Variants in ANKS1B observed in about 807,000 individuals in gnomAD.
ANKS1B encodes the protein ankyrin repeat and sterile alpha motif domain containing 1B.
In ANKS1B, 36 loss-of-function variants were observed where a neutral mutation model predicts 148.3. The ratio of observed to expected loss-of-function variants is 0.24; its 90% confidence interval spans 0.19 to 0.32. ANKS1B has a LOEUF of 0.32. Ranked by LOEUF, ANKS1B falls within the 10% of genes least tolerant of loss-of-function variation. ANKS1B has a pLI of 1.00. For missense variants in ANKS1B, 1,157 were observed against 1,542.6 expected (o/e 0.75, Z 4.19); for synonymous variants, 542 against 560.8 (o/e 0.97, Z 0.47).
intron 4 of ANKS1B, among the ~76,000 whole-genome samples, chr12:99,797,112 G>A (rs1013090679): frequency 1.3e-5 from 2 of 151,926 alleles, no homozygotes; most frequent in African/African-American, 4.8e-5. Context: ...ATAGTGTACA[G>A]AATGTAAATA....
intron 14 of ANKS1B, among the ~76,000 whole-genome samples, chr12:99,243,631 T>C (rs193208098): frequency 4.6e-5 from 7 of 152,318 alleles, no homozygotes; most frequent in African/African-American, 9.6e-5. Flanking sequence ...CCAACCCAAA[T>C]GTCCACCAGT....
At chr12:98,924,211 G>T (rs1026210356) in intron 17 of ANKS1B, among the ~76,000 whole-genome samples, 5 of 152,162 alleles carry the variant, frequency 3.3e-5, no homozygotes, top group South Asian at 2.1e-4. Context: ...TCACAGAAAG[G>T]CCTGCAACAT....
At chr12:99,031,453 G>A (rs972906960) in intron 17 of ANKS1B, among the ~76,000 whole-genome samples, 23 of 152,182 alleles carry the variant, frequency 1.5e-4, no homozygotes, top group Admixed American at 5.2e-4. Flanking sequence ...TGCAGAGCCT[G>A]GAAAAAGCTA....
intron 17 of ANKS1B, among the ~76,000 whole-genome samples, chr12:98,856,058 C>T (rs1461181808): frequency 6.6e-6 from 1 of 152,224 alleles, no homozygotes; most frequent in Non-Finnish European, 1.5e-5. Flanking sequence ...TTATCTGAAT[C>T]ATGGGGTGTC....
intron 17 of ANKS1B, among the ~76,000 whole-genome samples, chr12:98,905,847 TA>T (rs1015683980): frequency 6.0e-5 from 9 of 151,186 alleles, no homozygotes; most frequent in East Asian, 2.0e-4. Context: ...ACCAAGTGGA[TA>T]AAAAAAAATA....
chr12:99,914,650 GC>G (rs1234558756), intron 1 of ANKS1B, among the ~76,000 whole-genome samples: 1 of 152,096 alleles, frequency 6.6e-6, no homozygotes, highest in Non-Finnish European at 1.5e-5. Flanking sequence ...TAAATGCACA[GC>G]CCCAGCAGGT....
intron 25 of ANKS1B, among the ~76,000 whole-genome samples, chr12:98,755,772 A>T (rs1336366372): frequency 6.6e-6 from 1 of 152,134 alleles, no homozygotes; most frequent in East Asian, 1.9e-4. Context: ...ACATGACCCA[A>T]TATCTGTGCT....
chr12:99,297,413 T>C (rs2081026728), intron 12 of ANKS1B, among the ~76,000 whole-genome samples: 1 of 152,200 alleles, frequency 6.6e-6, no homozygotes, highest in African/African-American at 2.4e-5. Flanking sequence ...TGTAGTAGCG[T>C]AAACATAGAA....
At chr12:99,342,694 T>G (rs1276003190) in intron 12 of ANKS1B, among the ~76,000 whole-genome samples, 5 of 152,074 alleles carry the variant, frequency 3.3e-5, no homozygotes, top group Non-Finnish European at 7.4e-5. Flanking sequence ...CACTTTAGAA[T>G]GAATCACTTT....
chr12:99,085,324 C>A (rs1208118334), intron 15 of ANKS1B, among the ~76,000 whole-genome samples: 1 of 151,088 alleles, frequency 6.6e-6, no homozygotes, highest in Non-Finnish European at 1.5e-5. Context: ...TGCACATGTA[C>A]CCTAAAACTT....
intron 10 of ANKS1B, among the ~76,000 whole-genome samples, chr12:99,459,198 A>G (rs1324124800): frequency 6.6e-6 from 1 of 152,168 alleles, no homozygotes; most frequent in Non-Finnish European, 1.5e-5. Flanking sequence ...AAAGCATTTG[A>G]TGAAATCCAG....
intron 1 of ANKS1B, among the ~76,000 whole-genome samples, chr12:99,968,245 T>C (rs1322150872): frequency 6.6e-6 from 1 of 152,132 alleles, no homozygotes; most frequent in Non-Finnish European, 1.5e-5. Flanking sequence ...TTTATTGGCC[T>C]GAAAGAGATG....
chr12:99,509,180 C>T (rs1296593320), intron 9 of ANKS1B, among the ~76,000 whole-genome samples: 2 of 151,738 alleles, frequency 1.3e-5, no homozygotes, highest in Non-Finnish European at 1.5e-5. Flanking sequence ...TCTCCTTGGG[C>T]CTCCCTATTT....
At chr12:99,259,059 G>T (rs927851864) in intron 12 of ANKS1B, among the ~76,000 whole-genome samples, 1 of 152,154 alleles carries the variant, frequency 6.6e-6, no homozygotes, top group Admixed American at 6.5e-5. Flanking sequence ...GAACAGAGGA[G>T]CCCGTATGAG....
chr12:98,968,122 CAT>C (rs2099880100), intron 17 of ANKS1B, among the ~76,000 whole-genome samples: 1 of 152,132 alleles, frequency 6.6e-6, no homozygotes, highest in Non-Finnish European at 1.5e-5. Context: ...GGGAACCTGA[CAT>C]AGGCCAACTA....
chr12:99,233,599 A>G (rs949256412), intron 14 of ANKS1B, among the ~76,000 whole-genome samples: 2 of 152,204 alleles, frequency 1.3e-5, no homozygotes, highest in African/African-American at 4.8e-5. Context: ...GGGAAAACAG[A>G]AGTGTTGTTT....
chr12:99,761,324 C>T (rs1291741771), intron 8 of ANKS1B, among the ~76,000 whole-genome samples: 1 of 151,706 alleles, frequency 6.6e-6, no homozygotes, highest in Admixed American at 6.6e-5. Context: ...AAACTAAAAG[C>T]AGTAGTGCAT....
intron 14 of ANKS1B, among the ~76,000 whole-genome samples, chr12:99,237,066 G>C (rs1356443980): frequency 1.3e-5 from 2 of 152,154 alleles, no homozygotes; most frequent in African/African-American, 4.8e-5. Flanking sequence ...TACCTATGCA[G>C]CAAACATACT....
intron 9 of ANKS1B, among the ~76,000 whole-genome samples, chr12:99,552,000 A>G (rs1352295743): frequency 6.6e-6 from 1 of 152,084 alleles, no homozygotes; most frequent in Non-Finnish European, 1.5e-5. Flanking sequence ...AGTTCCTAGC[A>G]TGTGCCAAGC....
Sources: allele counts gnomAD v4.1 joint callset (sites outside exome capture counted in the v4.1 genomes callset), GRCh38; gene constraint gnomAD v4.1.1; transcripts MANE v1.5; gene names NCBI Gene and HGNC (gene_info 2026-07-23, HGNC 2026-07-21).